The following TNN variants were observed in gnomAD, a reference collection of about 807,000 sequenced individuals.
The protein encoded by TNN is tenascin N.
TNN carries 122 observed loss-of-function variants against 134.4 expected under a neutral mutation model. The observed-to-expected ratio is 0.91, with a 90% CI of 0.78 to 1.06. TNN has a LOEUF of 1.06. Among genes scored for constraint, TNN ranks in the 50% least tolerant of loss-of-function variants. The probability of loss-of-function intolerance (pLI) is 0.00; values close to 1 mark genes in which losing one functional copy is unlikely to be tolerated. For missense variants in TNN, 1,739 were observed against 1,699.4 expected (o/e 1.02, Z -0.41); for synonymous variants, 710 against 670.3 (o/e 1.06, Z -0.91).
intron 9 of TNN, among the ~76,000 whole-genome samples, chr1:175,105,150 G>A (rs1558359290): frequency 6.8e-6 from 1 of 146,136 alleles, no homozygotes; most frequent in Admixed American, 6.9e-5. Flanking sequence ...GCCAGGGTTT[G>A]ATCTAACAGT....
chr1:175,084,025 A>C, intron 5 of TNN, 90 bp downstream of exon 5: 1 of 1,341,498 alleles, frequency 7.5e-7, no homozygotes. Context: ...TGCACTGCTC[A>C]AGTGTGCACA....
chr1:175,124,611 G>A (rs1302359032), intron 12 of TNN, among the ~76,000 whole-genome samples: 2 of 152,138 alleles, frequency 1.3e-5, no homozygotes, highest in African/African-American at 2.4e-5. Context: ...AACCCAGGAG[G>A]AGGAGGTTGC....
chr1:175,101,487 A>G (rs1221557399), intron 9 of TNN, among the ~76,000 whole-genome samples: 1 of 149,624 alleles, frequency 6.7e-6, no homozygotes, highest in Non-Finnish European at 1.5e-5. Context: ...GGACCCGAGA[A>G]GGTTGCCAAT....
intron 11 of TNN, among the ~76,000 whole-genome samples, chr1:175,121,081 C>A (rs988498752): frequency 3.9e-5 from 6 of 152,156 alleles, no homozygotes; most frequent in African/African-American, 1.2e-4. Flanking sequence ...CTATGCCCAG[C>A]CTAAATTTTA....
chr1:175,094,034 GA>G lies in TNN; in HGVS notation c.1370del (p.Asp457AlafsTer14). The G allele has an allele frequency of 6.2e-7, 1 of 1,612,004 alleles. No homozygotes were observed. The highest frequency in any genetic ancestry group is 2.2e-5 in the East Asian group (1 of 44,832). Reference sequence around the variant, plus strand: ...TGTTGTCACTGATCGAGTGACTGAAGACACAGCAACTGTCTCCTGGGACCCA... The same window carrying G: ...TGTTGTCACTGATCGAGTGACTGAAGCACAGCAACTGTCTCCTGGGACCCA... ...TNVVTDRVTE[D>X]TATVSWDPVQ... On this transcript the variant is annotated frameshift_variant, in exon 7 of 19. Coordinates refer to ENST00000239462, the MANE Select transcript of TNN (RefSeq NM_022093.2). LOFTEE classifies it high-confidence loss of function.
At chr1:175,087,218 T>A (rs1225332609) in intron 6 of TNN, among the ~76,000 whole-genome samples, 1 of 152,202 alleles carries the variant, frequency 6.6e-6, no homozygotes, top group Admixed American at 6.5e-5. Context: ...TCTGTACCTT[T>A]CTCCAAAGAT....
chr1:175,110,073 A>G (rs776557515), intron 9 of TNN, among the ~76,000 whole-genome samples: 9 of 152,110 alleles, frequency 5.9e-5, no homozygotes, highest in Non-Finnish European at 1.2e-4. Context: ...TGATATCTCA[A>G]TGTGATTTTG....
rs1674600369 is a variant in TNN at position 175,097,569 on chromosome 1, G to A, written c.1741G>A (p.Glu581Lys). ...GACCAGAGAGGTTCTGGTGGGGAAG[G>A]AGCAGAGCAGCACTGTCCTGACAGG... ...QETREVLVGK[E>K]QSSTVLTGLR... is the part of the protein sequence containing the mutation. The change falls in exon 8 of 19, where the codon GAG becomes AAG. Residue 581 changes from glutamate to lysine, a missense_variant. Glu to Lys is a moderately conservative substitution (Grantham distance 56). Coordinates refer to ENST00000239462, the MANE Select transcript of TNN (RefSeq NM_022093.2). 3.7e-6 allele frequency: 6 copies of A among 1,614,210 alleles called. No homozygotes were observed. Among genetic ancestry groups the A allele is most frequent in the Non-Finnish European group, 4.2e-6 (5 of 1,180,052 alleles).
At chr1:175,071,354 G>A (rs916488996) in intron 1 of TNN, among the ~76,000 whole-genome samples, 2 of 152,178 alleles carry the variant, frequency 1.3e-5, no homozygotes, top group African/African-American at 4.8e-5. Context: ...AGGACCATCA[G>A]GATTCAGGGG....
rs1674069787 is a variant in TNN at position 175,077,478 on chromosome 1, G to A, written c.60G>A (p.Leu20=). The change falls in exon 2 of 19, where the codon CTG becomes CTA. Residue 20 remains leucine, a synonymous_variant. Transcript: ENST00000239462. ...GGCTCCTGCTTGGCTCTGTGCTCCT[G>A]GTGGCTTCGGCCCCAGCCACTCTGG... ...PMGLLLGSVL[L]VASAPATLEP... 1.9e-6 allele frequency: 3 copies of A among 1,613,904 alleles called. No individual in the cohort carries two copies. Among genetic ancestry groups the A allele is most frequent in the Non-Finnish European group, 8.5e-7 (1 of 1,180,038 alleles).
At chr1:175,117,905 G>A (rs1675227094) in intron 10 of TNN, among the ~76,000 whole-genome samples, 1 of 152,220 alleles carries the variant, frequency 6.6e-6, no homozygotes, top group Admixed American at 6.5e-5. Flanking sequence ...TTTAGTGGAA[G>A]CGATATCTAA....
rs924190980 is a variant in TNN at position 175,147,890 on chromosome 1, T to C, written c.*819T>C. The C allele has an allele frequency of 6.6e-6, 1 of 152,174 alleles. No individual in the cohort carries two copies. Among genetic ancestry groups the C allele is most frequent in the Non-Finnish European group, 1.5e-5 (1 of 68,022 alleles). The allele number at this position is 152,174 out of a possible 1,614,324, so 9.4% of individuals were successfully genotyped here. A position where few individuals can be genotyped will look rare whatever the true frequency, so the allele number is the denominator to read the frequency against. ...TCCCCGCCCTGCACTATTGGAGCCC[T>C]GGGTTTTGTGGGAGTGCTCAGCACC... On this transcript the variant is annotated 3_prime_UTR_variant, in exon 19 of 19. Coordinates refer to ENST00000239462, the MANE Select transcript of TNN (RefSeq NM_022093.2).
Position 175,120,768 on chromosome 1 carries a change from T to A in TNN, c.2650+1944T>A, listed in dbSNP as rs1675330237. Among the ~76,000 whole-genome samples, 4 of 152,262 alleles carry A rather than the reference T, an allele frequency of 2.6e-5. No individual in the cohort carries two copies. The South Asian group carries it at 6.2e-4, about 24-fold the overall frequency. On this transcript the variant is annotated intron_variant, in intron 11 of 18. Coordinates refer to ENST00000239462, the MANE Select transcript of TNN (RefSeq NM_022093.2). ...ATGCTGTCCTGACCAACACAGCAGC[T>A]GCTAGCTACATGTAGCTATTAAAAT...
intron 12 of TNN, 109 bp downstream of exon 12, chr1:175,123,772 A>G (rs767012410): frequency 1.4e-5 from 21 of 1,512,582 alleles, no homozygotes; most frequent in Admixed American, 2.3e-5. Flanking sequence ...TTACCCGAGG[A>G]CATTCTTCAA....
In TNN at chr1:175,105,768, G is replaced by A. The variant is rs1396138112; in HGVS notation, c.2119+7173G>A. Among the ~76,000 whole-genome samples, 3 of 145,222 alleles carry A rather than the reference G, an allele frequency of 2.1e-5. 1 individual carries two copies. The highest frequency in any genetic ancestry group is 4.6e-5 in the Non-Finnish European group (3 of 65,546). The stretch of plus-strand genomic sequence containing the variant: ...CAATGGCTTAGGATGCATTTCAAGG[G>A]TGAACCTGTTGATGCCTGAGTGTTT... On this transcript the variant is annotated intron_variant, in intron 9 of 18. Coordinates refer to ENST00000239462, the MANE Select transcript of TNN (RefSeq NM_022093.2).
At chr1:175,096,124 C>T (rs1008615472) in intron 7 of TNN, among the ~76,000 whole-genome samples, 8 of 152,176 alleles carry the variant, frequency 5.3e-5, no homozygotes, top group African/African-American at 1.9e-4. Context: ...AAACAAATGT[C>T]CCTGGAGCTA....
At chr1:175,142,637 A>G (rs1675967582) in intron 17 of TNN, among the ~76,000 whole-genome samples, 1 of 140,686 alleles carries the variant, frequency 7.1e-6, no homozygotes, top group Admixed American at 7.1e-5. Flanking sequence ...TTTTTTTTTG[A>G]GATGGAGACT....
In TNN at chr1:175,080,386, T is replaced by A. The variant is rs116503116; in HGVS notation, c.1008T>A (p.Asn336Lys). The A allele has an allele frequency of 4.8e-4, 774 of 1,614,042 alleles. 5 individuals carry two copies. In the African/African-American group the frequency reaches 9.1e-3, roughly 19 times the overall value. ...TAGTCACCCTGCGTAACGTCAAGAA[T>A]GAAGTTTCTAGCAGCCCACAGCATC... ...KYIVTLRNVK[N>K]EVSSSPQHLL... The change falls in exon 4 of 19, where the codon AAT (asparagine) becomes AAA (lysine). Residue 336 changes from asparagine (N) to lysine (K), a missense_variant. Coordinates refer to ENST00000239462, the MANE Select transcript of TNN (RefSeq NM_022093.2).
At position 175,102,211 on chromosome 1, in the gene TNN, C is replaced by A. The variant is rs1246096899; in HGVS notation, c.2119+3616C>A. Among the ~76,000 whole-genome samples the A allele has an allele frequency of 2.1e-5, 3 of 145,974 alleles. 1 individual carries two copies. Among genetic ancestry groups the A allele is most frequent in the Non-Finnish European group, 3.0e-5 (2 of 65,876 alleles). On this transcript the variant is annotated intron_variant, in intron 9 of 18. Transcript: ENST00000239462. ...GATATAAAGACTCTCCACGTCCCCA[C>A]CAGACTCAGGAGCCCAGCTGGCTTC...
Sources: allele counts gnomAD v4.1 joint callset (sites outside exome capture counted in the v4.1 genomes callset), GRCh38; gene constraint gnomAD v4.1.1; transcripts MANE v1.5; gene names NCBI Gene and HGNC (gene_info 2026-07-23, HGNC 2026-07-21).